CDH17: variants seen among roughly 807,000 people sequenced by gnomAD.
CDH17 encodes the protein cadherin 17.
A neutral mutation model predicts 86.3 loss-of-function variants in CDH17; 67 were observed. The observed-to-expected ratio is 0.78, with a 90% CI of 0.64 to 0.95. The LOEUF is 0.95. Ranked by LOEUF, CDH17 falls within the 40% of genes least tolerant of loss-of-function variation. The pLI is 0.00. For missense variants in CDH17, 993 were observed against 1,017.6 expected, an observed-to-expected ratio of 0.98 and a Z score of 0.33; for synonymous variants, 367 against 366.4, an observed-to-expected ratio of 1.00 and a Z score of -0.02.
rs201562769 is a variant in CDH17 at position 94,145,949 on chromosome 8, A to G, written c.2146T>C (p.Trp716Arg). Residue 716 changes from tryptophan (W) to arginine (R), a missense_variant, in exon 15 of 18, where the codon TGG becomes CGG. Transcript: ENST00000027335. ...SLGSGSLQND[W>R]EVSKINGTHA... ...TCACCATTGATTTTGGAAACTTCCC[A>G]GTCGTTTTGTAAGCTTCCACTGCCG... The G allele has an allele frequency of 1.9e-4, 308 of 1,613,082 alleles. No homozygotes were observed. The highest frequency in any genetic ancestry group is 2.4e-4 in the Non-Finnish European group (283 of 1,179,620).
chr8:94,136,974 AGAACAGCAAATATTGCT>A (rs1264453639), intron 15 of CDH17, among the ~76,000 whole-genome samples: 3 of 152,208 alleles, frequency 2.0e-5, no homozygotes, highest in African/African-American at 7.2e-5. Flanking sequence ...CAAATATTGC[AGAACAGCAAATATTGCT>A]GCCTGATCCT....
chr8:94,199,817 C>T (rs72670381), intron 1 of CDH17, among the ~76,000 whole-genome samples: 9 of 152,196 alleles, frequency 5.9e-5, no homozygotes, highest in South Asian at 2.1e-4. Flanking sequence ...ACTCCTCCAC[C>T]GGCTGACTCG....
At chr8:94,169,773 G>C (rs763086142) in intron 9 of CDH17, among the ~76,000 whole-genome samples, 1 of 152,180 alleles carries the variant, frequency 6.6e-6, no homozygotes, top group Non-Finnish European at 1.5e-5. Context: ...TCTTATAGTA[G>C]TTGTTCCTAT....
intron 2 of CDH17, among the ~76,000 whole-genome samples, chr8:94,193,411 G>C (rs1813723915): frequency 6.6e-6 from 1 of 152,200 alleles, no homozygotes; most frequent in South Asian, 2.1e-4. Flanking sequence ...TTTATTGTGT[G>C]TTTAACCACC....
chr8:94,195,621 G>C lies in CDH17; in HGVS notation c.-20-916C>G, dbSNP rs147482265. Among the ~76,000 whole-genome samples the C allele has an allele frequency of 4.1e-3, 620 of 152,244 alleles. 9 individuals carry two copies. Among genetic ancestry groups the C allele is most frequent in the African/African-American group, 0.014 (581 of 41,528 alleles). On this transcript the variant is annotated intron_variant, in intron 1 of 17. Coordinates refer to ENST00000027335, the MANE Select transcript of CDH17 (RefSeq NM_004063.4). Reference sequence around the variant, plus strand: ...CCTCCTTAAGGCTTCCCATTTCACAGAGATTGTGACTTTCACTATGAGACA... The same window carrying C: ...CCTCCTTAAGGCTTCCCATTTCACACAGATTGTGACTTTCACTATGAGACA...
In CDH17 at chr8:94,171,058, A is replaced by G. The variant is rs1813260771; in HGVS notation, c.784-73T>C. 5 of 1,453,060 alleles carry G rather than the reference A, an allele frequency of 3.4e-6. No individual in the cohort carries two copies. In the East Asian group the frequency reaches 1.2e-4, roughly 35 times the overall value. 90.0% of individuals were successfully genotyped at this position (1,453,060 alleles called of 1,614,324 possible). ...AGAACTGGAAAGGAAATAATTTTCT[A>G]GTTCTCAATTTGAAATCTCTGACAA... is the stretch of plus-strand genomic sequence containing the variant. On this transcript the variant is annotated intron_variant, in intron 7 of 17. Coordinates refer to ENST00000027335, the MANE Select transcript of CDH17 (RefSeq NM_004063.4).
At chr8:94,135,784 G>A (rs1253419541) in intron 15 of CDH17, among the ~76,000 whole-genome samples, 1 of 152,164 alleles carries the variant, frequency 6.6e-6, no homozygotes, top group African/African-American at 2.4e-5. Context: ...TTTTGCAGTG[G>A]CTGGTACTGG....
At chr8:94,132,048 G>A (rs1812431325) in intron 15 of CDH17, among the ~76,000 whole-genome samples, 1 of 152,156 alleles carries the variant, frequency 6.6e-6, no homozygotes, top group Admixed American at 6.5e-5. Flanking sequence ...TGGTGTATAT[G>A]TGCCACATTT....
intron 12 of CDH17, among the ~76,000 whole-genome samples, chr8:94,159,330 G>A (rs960593460): frequency 1.3e-5 from 2 of 152,188 alleles, no homozygotes; most frequent in African/African-American, 4.8e-5. Flanking sequence ...CGTGGGCTTA[G>A]CAATACAGTA....
chr8:94,177,551 G>A (rs757612186), intron 4 of CDH17, 36 bp downstream of exon 4: 2 of 1,610,900 alleles, frequency 1.2e-6, no homozygotes, highest in East Asian at 4.5e-5. Flanking sequence ...GCTCAGAGAG[G>A]TTGGAGTTAG....
intron 15 of CDH17, among the ~76,000 whole-genome samples, chr8:94,134,574 T>C (rs1812484663): frequency 6.6e-6 from 1 of 152,214 alleles, no homozygotes; most frequent in Non-Finnish European, 1.5e-5. Flanking sequence ...TTGCTAGCAG[T>C]CTATCAATTT....
At chr8:94,143,541 C>G (rs916344353) in intron 15 of CDH17, among the ~76,000 whole-genome samples, 1 of 152,212 alleles carries the variant, frequency 6.6e-6, no homozygotes, top group African/African-American at 2.4e-5. Flanking sequence ...ATTTACTTCT[C>G]TAGCTATGGA....
intron 2 of CDH17, among the ~76,000 whole-genome samples, chr8:94,192,452 A>G (rs983572661): frequency 2.6e-5 from 4 of 152,184 alleles, no homozygotes; most frequent in Non-Finnish European, 5.9e-5. Context: ...ACAAGACATC[A>G]TTTCTTCTGA....
chr8:94,132,706 A>G (rs1173330669), intron 15 of CDH17, among the ~76,000 whole-genome samples: 1 of 152,016 alleles, frequency 6.6e-6, no homozygotes, highest in South Asian at 2.1e-4. Flanking sequence ...TTTTGTTGCC[A>G]TTGCTTTTGG....
intron 12 of CDH17, among the ~76,000 whole-genome samples, chr8:94,153,795 G>C (rs1386038376): frequency 6.6e-6 from 1 of 152,118 alleles, no homozygotes; most frequent in African/African-American, 2.4e-5. Flanking sequence ...AATAAGCCAG[G>C]CATGAAAAGA....
rs946640540 is a variant in CDH17, at chr8:94,137,796, G to A, written c.2168-6804C>T. On this transcript the variant is annotated intron_variant, in intron 15 of 17. Coordinates refer to ENST00000027335, the MANE Select transcript of CDH17 (RefSeq NM_004063.4). ...TGCCAGTGTCCATGAAAGCAAAAGC[G>A]AAAGCTCCTGTAAGTACTGACTTTT... is the stretch of plus-strand genomic sequence containing the variant. Among the ~76,000 whole-genome samples, 9 of 152,324 alleles carry A rather than the reference G, an allele frequency of 5.9e-5. No homozygotes were observed. In the South Asian group the frequency reaches 6.2e-4, roughly 11 times the overall value.
chr8:94,149,994 C>T (rs1049187498), intron 13 of CDH17, among the ~76,000 whole-genome samples: 12 of 152,274 alleles, frequency 7.9e-5, no homozygotes, highest in Non-Finnish European at 1.8e-4. Context: ...TACATGCATA[C>T]ATCTATTTAA....
At chr8:94,188,419 G>A (rs1011676666) in intron 3 of CDH17, among the ~76,000 whole-genome samples, 9 of 152,152 alleles carry the variant, frequency 5.9e-5, no homozygotes, top group Non-Finnish European at 1.5e-5. Flanking sequence ...AAGGTAGGTA[G>A]CTCAGCAACC....
At chr8:94,130,781 G>A in intron 16 of CDH17, 42 bp from the exon 17 acceptor site, 1 of 1,547,750 alleles carries the variant, frequency 6.5e-7, no homozygotes, top group South Asian at 1.1e-5. Flanking sequence ...ATTCTCAAGT[G>A]AATAGTTGCA....
Sources: gnomAD v4.1 joint callset for allele counts (sites outside exome capture counted in the v4.1 genomes callset) on GRCh38, gnomAD v4.1.1 for gene constraint, MANE v1.5 for transcripts, NCBI Gene and HGNC (gene_info 2026-07-23, HGNC 2026-07-21) for gene names.